KCNIP1: variants seen among roughly 807,000 people sequenced by gnomAD.
KCNIP1 encodes potassium voltage-gated channel interacting protein 1.
In KCNIP1, 18 loss-of-function variants were observed where a neutral mutation model predicts 33.0. That is an observed-to-expected ratio of 0.55 (90% CI 0.38 to 0.81). The LOEUF (loss-of-function observed/expected upper bound fraction) is 0.81, where lower values mean the gene tolerates loss of function less well. Ranked by LOEUF, KCNIP1 falls within the 30% of genes least tolerant of loss-of-function variation. KCNIP1 has a pLI of 0.00. For missense variants in KCNIP1, 238 were observed against 271.6 expected (o/e 0.88, Z 0.87); for synonymous variants, 93 against 98.3 (o/e 0.95, Z 0.32).
chr5:170,394,458 C>A (rs984323278), intron 1 of KCNIP1, among the ~76,000 whole-genome samples: 3 of 151,158 alleles, frequency 2.0e-5, no homozygotes, highest in African/African-American at 7.3e-5. Context: ...TTGTTGTCAT[C>A]GTGCTTTGGT....
chr5:170,728,969 T>C lies in KCNIP1; in HGVS notation c.436-3831T>C, dbSNP rs537538295. On this transcript the variant is annotated intron_variant, in intron 5 of 7. Coordinates refer to ENST00000328939, the MANE Select transcript of KCNIP1 (RefSeq NM_014592.4). ...GAACAGGTAGATCAATGGAACAAAA[T>C]AGAAATCCCAGGTACAAATACCATC... 6.6e-5 allele frequency among the ~76,000 whole-genome samples: 10 copies of C among 151,994 alleles called. No homozygotes were observed. In the South Asian group the frequency reaches 2.1e-3, roughly 31 times the overall value.
At chr5:170,695,347 C>T (rs906877288) in intron 1 of KCNIP1, among the ~76,000 whole-genome samples, 1 of 152,142 alleles carries the variant, frequency 6.6e-6, no homozygotes, top group Non-Finnish European at 1.5e-5. Flanking sequence ...AAACATTCCT[C>T]TAAATAGAAT....
At chr5:170,485,628 G>T (rs1757074467) in intron 1 of KCNIP1, among the ~76,000 whole-genome samples, 1 of 152,234 alleles carries the variant, frequency 6.6e-6, no homozygotes, top group Non-Finnish European at 1.5e-5. Context: ...TCTCAGGGCT[G>T]AGCTTCACTT....
intron 1 of KCNIP1, chr5:170,421,915 G>A (rs1416538604): frequency 6.6e-5 from 10 of 152,190 alleles, no homozygotes; most frequent in African/African-American, 2.4e-4. Context: ...CACATTTGAA[G>A]GGGAGTTTTA....
intron 1 of KCNIP1, among the ~76,000 whole-genome samples, chr5:170,476,973 T>C (rs1756869853): frequency 6.6e-6 from 1 of 152,184 alleles, no homozygotes; most frequent in African/African-American, 2.4e-5. Flanking sequence ...GTGGTAATAA[T>C]GTGTTAATGT....
chr5:170,645,061 G>A (rs1302582218), intron 1 of KCNIP1, among the ~76,000 whole-genome samples: 1 of 152,186 alleles, frequency 6.6e-6, no homozygotes, highest in Non-Finnish European at 1.5e-5. Context: ...TTGGTAAAAT[G>A]AAGGATAGGT....
intron 1 of KCNIP1, among the ~76,000 whole-genome samples, chr5:170,688,432 G>A (rs1444021805): frequency 5.3e-5 from 8 of 152,196 alleles, no homozygotes; most frequent in Admixed American, 5.2e-4. Flanking sequence ...TCCACTCAAT[G>A]GTTGAGTTCA....
At chr5:170,503,288 G>A (rs1374581260), upstream of KCNIP1, among the ~76,000 whole-genome samples, 1 of 151,586 alleles carries the variant, frequency 6.6e-6, no homozygotes, top group Non-Finnish European at 1.5e-5. Flanking sequence ...CAGCTACTCC[G>A]GAGGCTGAGG....
chr5:170,501,877 G>C (rs1421412243), upstream of KCNIP1, among the ~76,000 whole-genome samples: 1 of 152,220 alleles, frequency 6.6e-6, no homozygotes, highest in Non-Finnish European at 1.5e-5. Context: ...TTCTCGAACA[G>C]AGAAGGCAGG....
chr5:170,588,335 T>C (rs1427174630), intron 1 of KCNIP1, among the ~76,000 whole-genome samples: 3 of 152,202 alleles, frequency 2.0e-5, no homozygotes. Context: ...AAACTCATCA[T>C]CAGCTGCCTC....
chr5:170,694,907 G>A (rs1406226848), intron 1 of KCNIP1, among the ~76,000 whole-genome samples: 1 of 152,236 alleles, frequency 6.6e-6, no homozygotes, highest in Admixed American at 6.5e-5. Context: ...GATGAAATTT[G>A]TAGAACTCAA....
intron 1 of KCNIP1, among the ~76,000 whole-genome samples, chr5:170,435,936 C>T (rs1186126553): frequency 6.6e-6 from 1 of 152,130 alleles, no homozygotes; most frequent in African/African-American, 2.4e-5. Context: ...CCAGGGCCTG[C>T]AAATTGCTGC....
intron 1 of KCNIP1, among the ~76,000 whole-genome samples, chr5:170,434,625 G>A (rs1263486859): frequency 3.3e-5 from 5 of 152,244 alleles, no homozygotes; most frequent in Admixed American, 2.6e-4. Context: ...GGGACGGGTC[G>A]GTGGGTGGGG....
At chr5:170,529,733 C>A (rs1755715676) in intron 1 of KCNIP1, among the ~76,000 whole-genome samples, 1 of 152,156 alleles carries the variant, frequency 6.6e-6, no homozygotes, top group African/African-American at 2.4e-5. Context: ...TTACAGATAG[C>A]CAACCACAAA....
intron 1 of KCNIP1, among the ~76,000 whole-genome samples, chr5:170,571,311 C>T (rs751867832): frequency 6.6e-6 from 1 of 152,212 alleles, no homozygotes; most frequent in Non-Finnish European, 1.5e-5. Context: ...TCATATCCCT[C>T]CCTAGACTCA....
chr5:170,455,755 G>A, intron 1 of KCNIP1, among the ~76,000 whole-genome samples: 1 of 152,274 alleles, frequency 6.6e-6, no homozygotes, highest in Admixed American at 6.5e-5. Flanking sequence ...TGAAAATTAA[G>A]ACACAACATA....
intron 1 of KCNIP1, among the ~76,000 whole-genome samples, chr5:170,551,856 CTG>C (rs541833359): frequency 4.1e-4 from 61 of 147,088 alleles, no homozygotes; most frequent in South Asian, 6.6e-4. Flanking sequence ...ATGTGTGAGA[CTG>C]TGTGTTTGAG....
At chr5:170,639,947 A>C (rs973919181) in intron 1 of KCNIP1, among the ~76,000 whole-genome samples, 1 of 152,232 alleles carries the variant, frequency 6.6e-6, no homozygotes, top group African/African-American at 2.4e-5. Context: ...AGCTTCAAGA[A>C]ATCAGGAAGA....
At chr5:170,610,129 C>A (rs1379445482) in intron 1 of KCNIP1, among the ~76,000 whole-genome samples, 1 of 152,166 alleles carries the variant, frequency 6.6e-6, no homozygotes, top group East Asian at 1.9e-4. Context: ...TACCTGGGAA[C>A]CTGTTAGATT....
Sources: allele counts gnomAD v4.1 joint callset (sites outside exome capture counted in the v4.1 genomes callset), GRCh38; gene constraint gnomAD v4.1.1; transcripts MANE v1.5; gene names NCBI Gene and HGNC (gene_info 2026-07-23, HGNC 2026-07-21).